Variants in SRRM3 observed in about 807,000 individuals in gnomAD.
SRRM3 encodes the protein serine/arginine repetitive matrix 3, also known as serine/arginine repetitive matrix protein 3.
Under a neutral mutation model 66.2 loss-of-function variants are expected in SRRM3, and 27 were observed. The ratio of observed to expected loss-of-function variants is 0.41; its 90% CI spans 0.30 to 0.56. SRRM3 has a LOEUF of 0.56. SRRM3 is among the 20% of genes least tolerant of loss of function. The probability of loss-of-function intolerance (pLI) is 0.32; values close to 1 mark genes in which losing one functional copy is unlikely to be tolerated. For synonymous variants in SRRM3, 391 were observed against 414.9 expected (o/e 0.94, Z 0.70); for missense variants, 918 against 991.9 (o/e 0.93, Z 1.00).
rs543973203 is a variant in SRRM3, at chr7:76,267,404, G to C, written c.977G>C (p.Gly326Ala). 9.1e-5 allele frequency: 126 copies of C among 1,390,208 alleles called. No homozygotes were observed. The African/African-American group carries it at 1.8e-3, about 20-fold the overall frequency. 86.1% of individuals were successfully genotyped at this position (1,390,208 alleles called of 1,614,324 possible). A position where few individuals can be genotyped will look rare whatever the true frequency, so the allele number is the denominator to read the frequency against. ...GSGQRSGAHG[G>A]RPGSAHSPPD... ...GGGCAGCGGAGCGGAGCGCACGGGG[G>C]CCGCCCCGGCTCGGCGCACAGCCCG... The change falls in exon 11 of 15, where the codon GGC becomes GCC. Residue 326 changes from glycine (G) to alanine (A), a missense_variant. Transcript: ENST00000611745.
intron 11 of SRRM3, among the ~76,000 whole-genome samples, chr7:76,281,137 C>G (rs1802488011): frequency 6.6e-6 from 1 of 150,392 alleles, no homozygotes; most frequent in Non-Finnish European, 1.5e-5. Flanking sequence ...TTTCTCTTCT[C>G]TGCCTCCTCC....
intron 3 of SRRM3, among the ~76,000 whole-genome samples, chr7:76,253,315 C>T (rs1234172408): frequency 5.3e-5 from 8 of 152,050 alleles, no homozygotes; most frequent in African/African-American, 1.9e-4. Flanking sequence ...GGAGAAACCT[C>T]ATTTCTACTA....
At position 76,284,397 on chromosome 7, in the gene SRRM3, C is replaced by T. The variant is rs538484123; in HGVS notation, c.1734-1218C>T. Among the ~76,000 whole-genome samples the T allele has an allele frequency of 3.0e-4, 46 of 152,208 alleles. 1 individual carries two copies. In the South Asian group the frequency reaches 9.3e-3, roughly 31 times the overall value. ...TTCACCATGTTAGTCAGGCTGGTCT[C>T]AAACTCCTGACCTCAGGTGATCCAC... On this transcript the variant is annotated intron_variant, in intron 14 of 14. Transcript: ENST00000611745.
intron 3 of SRRM3, among the ~76,000 whole-genome samples, chr7:76,258,436 C>T (rs1801766739): frequency 1.3e-5 from 2 of 152,216 alleles, no homozygotes; most frequent in East Asian, 1.9e-4. Flanking sequence ...TAGAGTTTGC[C>T]GGGCGCGGTG....
chr7:76,206,790 C>T (rs1445784450), intron 1 of SRRM3, among the ~76,000 whole-genome samples: 1 of 152,020 alleles, frequency 6.6e-6, no homozygotes, highest in South Asian at 2.1e-4. Flanking sequence ...GCTGCTTCCT[C>T]GGCAGCCAGC....
chr7:76,244,828 G>A (rs1396327956), intron 2 of SRRM3, among the ~76,000 whole-genome samples: 1 of 152,164 alleles, frequency 6.6e-6, no homozygotes, highest in Non-Finnish European at 1.5e-5. Flanking sequence ...TTTTCAAAAG[G>A]AAAATCCAGT....
intron 7 of SRRM3, 45 bp from the exon 8 acceptor site, chr7:76,261,501 G>A: frequency 6.2e-7 from 1 of 1,605,622 alleles, no homozygotes; most frequent in African/African-American, 1.3e-5. Flanking sequence ...GTCTCCCCTG[G>A]GCCACCCCAG....
intron 3 of SRRM3, among the ~76,000 whole-genome samples, chr7:76,249,945 G>A (rs1801534667): frequency 1.3e-5 from 2 of 152,046 alleles, no homozygotes; most frequent in African/African-American, 2.4e-5. Flanking sequence ...AACAAAAATG[G>A]AGTTAATTAT....
intron 1 of SRRM3, among the ~76,000 whole-genome samples, chr7:76,213,604 T>A (rs1468722318): frequency 6.6e-6 from 1 of 152,038 alleles, no homozygotes; most frequent in Non-Finnish European, 1.5e-5. Flanking sequence ...GGGCCTGGCA[T>A]CTAGGAGGTA....
At chr7:76,208,595 G>A (rs568906682) in intron 1 of SRRM3, among the ~76,000 whole-genome samples, 13 of 152,212 alleles carry the variant, frequency 8.5e-5, no homozygotes, top group African/African-American at 3.1e-4. Flanking sequence ...AGCAGTTTGG[G>A]AGGCTGAGGT....
At chr7:76,280,333 C>T (rs1436074032) in intron 11 of SRRM3, among the ~76,000 whole-genome samples, 2 of 151,996 alleles carry the variant, frequency 1.3e-5, no homozygotes, top group African/African-American at 2.4e-5. Context: ...TCCCTTTCTT[C>T]GGTTCAGTTT....
intron 3 of SRRM3, among the ~76,000 whole-genome samples, chr7:76,253,787 CAAAAA>C (rs782083114): frequency 1.5e-5 from 1 of 64,770 alleles, no homozygotes; most frequent in African/African-American, 5.1e-5. Flanking sequence ...AACTCTGTTT[CAAAAA>C]AAAAAAAAAA....
intron 2 of SRRM3, among the ~76,000 whole-genome samples, chr7:76,240,173 T>TAATAAC (rs1801248439): frequency 6.8e-6 from 1 of 147,272 alleles, no homozygotes; most frequent in Non-Finnish European, 1.5e-5. Flanking sequence ...TCTCAAATAA[T>TAATAAC]AATAACAATA....
chr7:76,244,850 C>A (rs1361984200), intron 2 of SRRM3, among the ~76,000 whole-genome samples: 1 of 152,258 alleles, frequency 6.6e-6, no homozygotes, highest in African/African-American at 2.4e-5. Context: ...TTCAAACTCT[C>A]CATGCCTCTC....
chr7:76,231,836 C>T (rs1801023568), intron 1 of SRRM3, among the ~76,000 whole-genome samples: 1 of 151,962 alleles, frequency 6.6e-6, no homozygotes, highest in Admixed American at 6.6e-5. Context: ...TTGGGCTGGG[C>T]CCTGAGGGAT....
intron 1 of SRRM3, among the ~76,000 whole-genome samples, chr7:76,228,941 C>A (rs939908626): frequency 4.8e-4 from 72 of 151,396 alleles, no homozygotes; most frequent in African/African-American, 1.5e-3. Flanking sequence ...CTCTGTCACC[C>A]AGGCTGGAGT....
chr7:76,249,740 T>A (rs1349131070), intron 3 of SRRM3, among the ~76,000 whole-genome samples: 1 of 152,198 alleles, frequency 6.6e-6, no homozygotes, highest in Non-Finnish European at 1.5e-5. Flanking sequence ...CAACATCTGA[T>A]GCTTCTCTGG....
At chr7:76,260,222 G>A in intron 5 of SRRM3, 25 bp downstream of exon 5, 7 of 1,511,962 alleles carry the variant, frequency 4.6e-6, no homozygotes, top group East Asian at 5.2e-5. Flanking sequence ...TGACCGGAGC[G>A]GGAAGGGAGG....
chr7:76,212,555 G>T (rs147073666), intron 1 of SRRM3, among the ~76,000 whole-genome samples: 1 of 138,850 alleles, frequency 7.2e-6, no homozygotes, highest in Admixed American at 7.8e-5. Flanking sequence ...TGCAACCTCC[G>T]CCTCCCAGGT....
Sources: allele counts gnomAD v4.1 joint callset (sites outside exome capture counted in the v4.1 genomes callset), GRCh38; gene constraint gnomAD v4.1.1; transcripts MANE v1.5; gene names NCBI Gene and HGNC (gene_info 2026-07-23, HGNC 2026-07-21).